The following TRAK1 variants were observed in gnomAD, a reference collection of about 807,000 sequenced individuals.
The protein encoded by TRAK1 is trafficking kinesin-binding protein 1.
In TRAK1, 33 loss-of-function variants were observed where a neutral mutation model predicts 92.1. The ratio of observed to expected loss-of-function variants is 0.36; its 90% CI spans 0.27 to 0.48. The LOEUF (loss-of-function observed/expected upper bound fraction) is 0.48, where lower values mean the gene tolerates loss of function less well. Among genes scored for constraint, TRAK1 ranks in the 20% least tolerant of loss-of-function variants. TRAK1 has a pLI of 0.99. For synonymous variants in TRAK1, 521 were observed against 517.3 expected, an observed-to-expected ratio of 1.01 and a Z score of -0.10; for missense variants, 1,123 against 1,257.9, an observed-to-expected ratio of 0.89 and a Z score of 1.62.
At chr3:42,053,872 C>T (rs1262226510) in intron 1 of TRAK1, among the ~76,000 whole-genome samples, 1 of 152,160 alleles carries the variant, frequency 6.6e-6, no homozygotes, top group Non-Finnish European at 1.5e-5. Context: ...AAATCTCTGG[C>T]CCTGCAATCA....
At chr3:42,198,362 G>A (rs1331511555) in intron 10 of TRAK1, among the ~76,000 whole-genome samples, 1 of 152,196 alleles carries the variant, frequency 6.6e-6, no homozygotes, top group Non-Finnish European at 1.5e-5. Flanking sequence ...AGAAACATGT[G>A]AGCTGTTGAG....
chr3:42,160,267 G>A (rs9755034), intron 2 of TRAK1: 190,251 of 1,555,746 alleles, frequency 0.12, 12,598 homozygotes, highest in Non-Finnish European at 0.13. Context: ...TGCCCTGGGG[G>A]CCCAGGCCTG....
upstream of TRAK1, among the ~76,000 whole-genome samples, chr3:42,086,149 G>A (rs527559020): frequency 2.6e-5 from 4 of 152,368 alleles, no homozygotes; most frequent in East Asian, 3.9e-4. Flanking sequence ...CTCCTGAAAT[G>A]TGTGGGAAAT....
intron 2 of TRAK1, among the ~76,000 whole-genome samples, chr3:42,137,805 C>T (rs577860463): frequency 4.6e-5 from 7 of 152,258 alleles, no homozygotes; most frequent in East Asian, 3.9e-4. Context: ...ACCAGTCCTG[C>T]GTTAGAGGGC....
chr3:42,075,340 C>CAAAAAA (rs60881113), intron 1 of TRAK1, among the ~76,000 whole-genome samples: 3 of 71,104 alleles, frequency 4.2e-5, no homozygotes, highest in African/African-American at 5.8e-5. Flanking sequence ...GACTCAGTCT[C>CAAAAAA]AAAAAAAAAA....
intron 12 of TRAK1, 88 bp downstream of exon 12, chr3:42,201,142 G>A: frequency 7.2e-7 from 1 of 1,389,456 alleles, no homozygotes; most frequent in Non-Finnish European, 1.0e-6. Flanking sequence ...TATTAAGAGG[G>A]AGGTAGATGA....
rs145374213 is a variant in TRAK1 at position 42,219,417 on chromosome 3, G to T, written c.1964-77G>T. ...TAGCTCATCACTTCTTGCATCTGTT[G>T]AGTGACATGCTGGATTTTAATTTTT... is the stretch of plus-strand genomic sequence containing the variant. On this transcript the variant is annotated intron_variant, in intron 14 of 15. Coordinates refer to ENST00000327628, the MANE Select transcript of TRAK1 (RefSeq NM_001042646.3). 1.7e-5 allele frequency: 28 copies of T among 1,610,186 alleles called. No homozygotes were observed. The East Asian group carries it at 6.3e-4, about 36-fold the overall frequency.
chr3:42,183,568 A>AAAAAAAAAAAG (rs1553751625), intron 3 of TRAK1, among the ~76,000 whole-genome samples: 9,520 of 143,320 alleles, frequency 0.066, 387 homozygotes, highest in Non-Finnish European at 0.1. Flanking sequence ...AAAAAAAAAA[A>AAAAAAAAAAAG]AAAGAAAGAA....
intron 2 of TRAK1, among the ~76,000 whole-genome samples, chr3:42,170,482 A>AAAGC: frequency 6.6e-6 from 1 of 152,138 alleles, no homozygotes; most frequent in East Asian, 1.9e-4. Context: ...GCTGCTATCA[A>AAAGC]AAGCGAGAGG....
At chr3:42,137,717 G>A (rs1698126989) in intron 2 of TRAK1, among the ~76,000 whole-genome samples, 1 of 152,126 alleles carries the variant, frequency 6.6e-6, no homozygotes, top group African/African-American at 2.4e-5. Context: ...TCTCTGTGTG[G>A]GTTGGGTAAC....
intron 5 of TRAK1, 96 bp from the exon 6 acceptor site, chr3:42,188,920 T>C: frequency 1.2e-6 from 1 of 852,018 alleles, no homozygotes; most frequent in South Asian, 1.6e-5. Flanking sequence ...TGGGTCATTG[T>C]CCTTCCTGCA....
chr3:42,078,030 A>G (rs1408621081), intron 1 of TRAK1, among the ~76,000 whole-genome samples: 2 of 152,224 alleles, frequency 1.3e-5, no homozygotes, highest in African/African-American at 4.8e-5. Flanking sequence ...GACGAAAGAA[A>G]TTTCAGAACT....
At chr3:42,189,513 A>T (rs73828592) in intron 6 of TRAK1, among the ~76,000 whole-genome samples, 8,409 of 152,206 alleles carry the variant, frequency 0.055, 230 homozygotes, top group Middle Eastern at 0.075. Context: ...GGGTGCTCAG[A>T]GAGAGCCATA....
At chr3:42,111,761 T>C (rs1025158907) in intron 1 of TRAK1, among the ~76,000 whole-genome samples, 1 of 152,178 alleles carries the variant, frequency 6.6e-6, no homozygotes, top group African/African-American at 2.4e-5. Flanking sequence ...TATTTTCTTA[T>C]TTATTAAAAA....
rs114982726 is a variant in TRAK1 at position 42,171,667 on chromosome 3, C to T, written c.287-5147C>T. On this transcript the variant is annotated intron_variant, in intron 2 of 15. Transcript: ENST00000327628. ...GCCCTGGACAGTGTCAAGATAGAAA[C>T]CCCAATGCCACACCACCTTTGTTTT... 4.5e-3 allele frequency among the ~76,000 whole-genome samples: 686 copies of T among 152,282 alleles called. 12 individuals are homozygous for T. The highest frequency in any genetic ancestry group is 0.016 in the African/African-American group (655 of 41,546).
chr3:42,041,959 C>T (rs115763761), intron 1 of TRAK1, among the ~76,000 whole-genome samples: 3,799 of 152,112 alleles, frequency 0.025, 66 homozygotes, highest in East Asian at 0.06. Context: ...CACCCAGCTA[C>T]TTTTGTATTT....
At chr3:42,217,417 G>A (rs1709844407) in intron 14 of TRAK1, 1 of 985,214 alleles carries the variant, frequency 1.0e-6, no homozygotes, top group South Asian at 4.7e-5. Context: ...ATGGTGACTT[G>A]TGAATTTTTA....
chr3:42,065,392 C>T (rs557853931), intron 1 of TRAK1, among the ~76,000 whole-genome samples: 1 of 152,076 alleles, frequency 6.6e-6, no homozygotes, highest in Non-Finnish European at 1.5e-5. Flanking sequence ...TTGAACATCC[C>T]AGGTTTGAAA....
intron 1 of TRAK1, among the ~76,000 whole-genome samples, chr3:42,023,852 C>T (rs1422733586): frequency 1.4e-5 from 2 of 142,566 alleles, no homozygotes; most frequent in Admixed American, 7.5e-5. Flanking sequence ...CTCCCGGGTT[C>T]AAGCAATTCT....
Sources: gnomAD v4.1 joint callset for allele counts (sites outside exome capture counted in the v4.1 genomes callset) on GRCh38, gnomAD v4.1.1 for gene constraint, MANE v1.5 for transcripts, NCBI Gene and HGNC (gene_info 2026-07-23, HGNC 2026-07-21) for gene names.